The following SLC9C2 variants were observed in gnomAD, a reference collection of about 807,000 sequenced individuals.
The protein encoded by SLC9C2 is sodium/hydrogen exchanger 11.
In SLC9C2, 75 loss-of-function variants were observed where a neutral mutation model predicts 140.2. The ratio of observed to expected loss-of-function variants is 0.53; its 90% confidence interval spans 0.44 to 0.65. The LOEUF (loss-of-function observed/expected upper bound fraction) is 0.65, where lower values mean the gene tolerates loss of function less well. SLC9C2 is among the 30% of genes least tolerant of loss of function. The pLI, the probability that SLC9C2 is intolerant of heterozygous loss-of-function variation, is 0.00. For missense variants in SLC9C2, 1,074 were observed against 1,331.8 expected (o/e 0.81, Z 3.01); for synonymous variants, 375 against 420.9 (o/e 0.89, Z 1.34).
intron 23 of SLC9C2, among the ~76,000 whole-genome samples, chr1:173,514,144 G>A (rs924667774): frequency 2.0e-5 from 3 of 152,214 alleles, no homozygotes; most frequent in African/African-American, 7.2e-5. Context: ...TGTTGATTTA[G>A]GGTGGAGAGT....
chr1:173,517,263 TA>T (rs1393152956), intron 23 of SLC9C2, among the ~76,000 whole-genome samples: 1 of 152,222 alleles, frequency 6.6e-6, no homozygotes, highest in Non-Finnish European at 1.5e-5. Flanking sequence ...GATGTTTTCC[TA>T]ATCCTCATAA....
At chr1:173,597,638 C>T (rs1470613306) in intron 4 of SLC9C2, among the ~76,000 whole-genome samples, 2 of 152,096 alleles carry the variant, frequency 1.3e-5, no homozygotes, top group African/African-American at 4.8e-5. Context: ...GACCTCTAAG[C>T]TTCAGTTTGC....
At chr1:173,588,684 G>T (rs1373210809) in intron 4 of SLC9C2, among the ~76,000 whole-genome samples, 1 of 151,990 alleles carries the variant, frequency 6.6e-6, no homozygotes, top group Non-Finnish European at 1.5e-5. Context: ...GTGTGGAATT[G>T]TTCTATGTTT....
intron 21 of SLC9C2, among the ~76,000 whole-genome samples, chr1:173,522,546 T>C (rs1339806894): frequency 6.6e-6 from 1 of 152,186 alleles, no homozygotes; most frequent in East Asian, 1.9e-4. Flanking sequence ...TGTTTTAATG[T>C]TTTTTAGAAT....
At chr1:173,564,807 T>C (rs1282711816) in intron 9 of SLC9C2, among the ~76,000 whole-genome samples, 2 of 150,572 alleles carry the variant, frequency 1.3e-5, no homozygotes, top group Admixed American at 1.3e-4. Flanking sequence ...CTGGCTAATT[T>C]TTTATATTTT....
At chr1:173,538,959 G>C (rs1662176800) in intron 13 of SLC9C2, among the ~76,000 whole-genome samples, 1 of 151,922 alleles carries the variant, frequency 6.6e-6, no homozygotes, top group African/African-American at 2.4e-5. Flanking sequence ...GAAAAACTAT[G>C]CAGGGCAGGG....
intron 23 of SLC9C2, among the ~76,000 whole-genome samples, chr1:173,516,593 C>G (rs891728045): frequency 1.3e-5 from 2 of 152,178 alleles, no homozygotes; most frequent in African/African-American, 4.8e-5. Flanking sequence ...CATTAATTTA[C>G]TAAAGATAAT....
At chr1:173,570,915 G>C (rs1448445877) in intron 9 of SLC9C2, among the ~76,000 whole-genome samples, 2 of 152,270 alleles carry the variant, frequency 1.3e-5, no homozygotes, top group East Asian at 1.9e-4. Flanking sequence ...GGGAGGACTG[G>C]GGAGGGGTGG....
chr1:173,578,947 G>C (rs911631530), intron 7 of SLC9C2, among the ~76,000 whole-genome samples: 15 of 152,188 alleles, frequency 9.9e-5, no homozygotes, highest in African/African-American at 3.6e-4. Context: ...AACGTCTTTT[G>C]GGGGGACACA....
intron 9 of SLC9C2, among the ~76,000 whole-genome samples, chr1:173,568,855 T>G (rs1664666184): frequency 6.6e-6 from 1 of 152,234 alleles, no homozygotes; most frequent in Non-Finnish European, 1.5e-5. Context: ...ACAATTACAG[T>G]GTCATAGTAT....
At chr1:173,522,719 G>A (rs1660915590) in intron 21 of SLC9C2, among the ~76,000 whole-genome samples, 1 of 152,212 alleles carries the variant, frequency 6.6e-6, no homozygotes, top group Admixed American at 6.5e-5. Context: ...GAGTCATGAT[G>A]TTCTTCGGGC....
At chr1:173,543,523 C>T (rs1424421385) in intron 13 of SLC9C2, among the ~76,000 whole-genome samples, 1 of 152,074 alleles carries the variant, frequency 6.6e-6, no homozygotes, top group Non-Finnish European at 1.5e-5. Flanking sequence ...TCATATGGAA[C>T]CAAAAAAGAG....
chr1:173,550,680 G>A (rs1460683522), intron 11 of SLC9C2, among the ~76,000 whole-genome samples: 5 of 151,022 alleles, frequency 3.3e-5, no homozygotes, highest in African/African-American at 4.9e-5. Context: ...CTTGTGATCC[G>A]CCCGCCTTGG....
At position 173,517,724 on chromosome 1, in the gene SLC9C2, G is replaced by A. The variant is rs776358849; in HGVS notation, c.2740-20C>T. 1 of 1,581,096 alleles carries A rather than the reference G, an allele frequency of 6.3e-7. No individual in the cohort carries two copies. On this transcript the variant is annotated intron_variant, in intron 22 of 27. Transcript: ENST00000367714. Reference sequence around the variant, plus strand: ...ATGCAACTGCAAAGGGAAAAAAAGTGTGCAAAGGGAAAGAAAAAATGAAAA... The same window carrying A: ...ATGCAACTGCAAAGGGAAAAAAAGTATGCAAAGGGAAAGAAAAAATGAAAA...
intron 4 of SLC9C2, among the ~76,000 whole-genome samples, chr1:173,588,651 T>C (rs564673543): frequency 6.6e-6 from 1 of 152,340 alleles, no homozygotes; most frequent in South Asian, 2.1e-4. Context: ...TATATGTTAC[T>C]AGATATATTT....
At chr1:173,540,577 G>T (rs1282174049) in intron 13 of SLC9C2, among the ~76,000 whole-genome samples, 3 of 152,158 alleles carry the variant, frequency 2.0e-5, no homozygotes, top group African/African-American at 7.2e-5. Flanking sequence ...GCTGGAGGGA[G>T]GCAGCCATGC....
chr1:173,550,440 A>ATTTTTT (rs1304209360), intron 11 of SLC9C2, among the ~76,000 whole-genome samples: 3 of 124,212 alleles, frequency 2.4e-5, no homozygotes, highest in African/African-American at 1.1e-4. Flanking sequence ...TTATTTATTT[A>ATTTTTT]TTTATTTATT....
At chr1:173,600,077 A>AT in intron 3 of SLC9C2, 40 bp downstream of exon 3, 1 of 1,419,768 alleles carries the variant, frequency 7.0e-7, no homozygotes, top group Non-Finnish European at 9.7e-7. Context: ...TATTTTTGGC[A>AT]TTTTTTCCTT....
intron 14 of SLC9C2, 140 bp downstream of exon 14, chr1:173,536,802 T>G: frequency 1.6e-6 from 1 of 629,168 alleles, no homozygotes; most frequent in Non-Finnish European, 2.8e-6. Flanking sequence ...GACAGACAGA[T>G]GGACAGACAG....
Sources: allele counts gnomAD v4.1 joint callset (sites outside exome capture counted in the v4.1 genomes callset), GRCh38; gene constraint gnomAD v4.1.1; transcripts MANE v1.5; gene names NCBI Gene and HGNC (gene_info 2026-07-23, HGNC 2026-07-21).